HMCN1: variants seen among roughly 807,000 people sequenced by gnomAD.
The protein encoded by HMCN1 is hemicentin 1.
HMCN1 carries 321 observed loss-of-function variants against 625.9 expected under a neutral mutation model. The ratio of observed to expected loss-of-function variants is 0.51; its 90% CI spans 0.47 to 0.56. HMCN1 has a LOEUF of 0.56. Ranked by LOEUF, HMCN1 falls within the 20% of genes least tolerant of loss-of-function variation. HMCN1 has a pLI of 0.00. For synonymous variants in HMCN1, 2,425 were observed against 2,417.6 expected (o/e 1.00, Z -0.09); for missense variants, 6,588 against 6,887.3 (o/e 0.96, Z 1.54).
intron 1 of HMCN1, among the ~76,000 whole-genome samples, chr1:185,774,583 T>C (rs1349772918): frequency 1.3e-5 from 2 of 152,178 alleles, no homozygotes; most frequent in Non-Finnish European, 2.9e-5. Flanking sequence ...TGCTGAGCTG[T>C]TGGAGATGAA....
In HMCN1 at chr1:186,076,528, T is replaced by C. The variant is rs149752078; in HGVS notation, c.8391T>C (p.Leu2797=). The C allele has an allele frequency of 5.3e-5, 86 of 1,613,684 alleles. No individual in the cohort carries two copies. In the African/African-American group the frequency reaches 8.8e-4, roughly 17 times the overall value. ...KDVIINNPIS[L]YCETNAAPPP... ...TGATCATCAACAATCCCATTTCTCT[T>C]TACTGTGAGACAAATGCTGCTCCCC... is the stretch of plus-strand genomic sequence containing the variant. Residue 2797 remains leucine, a synonymous_variant, in exon 54 of 107, where the codon CTT becomes CTC. Coordinates refer to ENST00000271588, the MANE Select transcript of HMCN1 (RefSeq NM_031935.3).
chr1:186,055,700 C>G (rs753504368), intron 45 of HMCN1, 26 bp downstream of exon 45: 2 of 1,608,402 alleles, frequency 1.2e-6, no homozygotes, highest in Admixed American at 1.7e-5. Flanking sequence ...CTCAATATGT[C>G]CATTCACTGG....
At chr1:185,790,960 C>T (rs1448177843) in intron 1 of HMCN1, among the ~76,000 whole-genome samples, 11 of 152,012 alleles carry the variant, frequency 7.2e-5, no homozygotes, top group African/African-American at 2.4e-5. Context: ...ACAAAATGTG[C>T]ACCTCCTATA....
intron 36 of HMCN1, among the ~76,000 whole-genome samples, chr1:186,030,468 T>G (rs1333667078): frequency 6.6e-6 from 1 of 152,088 alleles, no homozygotes; most frequent in African/African-American, 2.4e-5. Context: ...CAGTTTTTCT[T>G]GAAGTCTATT....
intron 1 of HMCN1, among the ~76,000 whole-genome samples, chr1:185,844,936 C>T (rs1661717295): frequency 6.6e-6 from 1 of 152,180 alleles, no homozygotes; most frequent in African/African-American, 2.4e-5. Flanking sequence ...CCAAGTTAAC[C>T]CATGATATCT....
At position 186,088,763 on chromosome 1, in the gene HMCN1, T is replaced by C. The variant is rs768317246; in HGVS notation, c.9727+8T>C. 1.2e-6 allele frequency: 2 copies of C among 1,602,800 alleles called. No individual in the cohort carries two copies. The highest frequency in any genetic ancestry group is 1.7e-6 in the Non-Finnish European group (2 of 1,172,426). On this transcript the variant is annotated splice_region_variant and intron_variant, in intron 63 of 106. Transcript: ENST00000271588. ...ACTTTCTTTCAATTCAAGGTATGTA[T>C]TGTCCACTATGATCTATCTTCAATT...
At chr1:185,879,503 A>T (rs968799241) in intron 4 of HMCN1, among the ~76,000 whole-genome samples, 5 of 152,052 alleles carry the variant, frequency 3.3e-5, no homozygotes, top group Non-Finnish European at 7.4e-5. Context: ...CTTTACCATT[A>T]TCTTATTTAT....
intron 1 of HMCN1, among the ~76,000 whole-genome samples, chr1:185,785,877 C>T (rs1435696902): frequency 1.3e-5 from 2 of 152,124 alleles, no homozygotes; most frequent in Admixed American, 6.5e-5. Flanking sequence ...TCATGCTGCT[C>T]GCTTAGGGGA....
At chr1:186,177,413 A>G (rs1652667552) in intron 103 of HMCN1, 1 of 152,286 alleles carries the variant, frequency 6.6e-6, no homozygotes, top group South Asian at 2.1e-4. Context: ...TGCACTGACC[A>G]TAATCAAGGA....
chr1:185,756,006 G>A (rs1045923074), intron 1 of HMCN1, among the ~76,000 whole-genome samples: 21 of 152,078 alleles, frequency 1.4e-4, no homozygotes, highest in African/African-American at 5.1e-4. Flanking sequence ...CAGTTCTCCT[G>A]CCTCAGGAGA....
At chr1:185,806,918 T>C (rs916489777) in intron 1 of HMCN1, among the ~76,000 whole-genome samples, 2 of 152,196 alleles carry the variant, frequency 1.3e-5, no homozygotes, top group Non-Finnish European at 2.9e-5. Flanking sequence ...TCCTGTCTTA[T>C]ACATTTTTTT....
chr1:186,023,188 TTG>T (rs1400260566), intron 36 of HMCN1, 35 bp downstream of exon 36: 2 of 1,588,008 alleles, frequency 1.3e-6, no homozygotes, highest in Non-Finnish European at 1.7e-6. Flanking sequence ...AAAAGAATAT[TTG>T]TATCACTTTT....
At chr1:185,985,950 C>A (rs750179067) in intron 19 of HMCN1, among the ~76,000 whole-genome samples, 12 of 152,182 alleles carry the variant, frequency 7.9e-5, no homozygotes, top group Non-Finnish European at 1.5e-4. Context: ...CTCTTCCACA[C>A]CCAAATGTCA....
chr1:185,915,318 A>G (rs944112643), intron 6 of HMCN1, among the ~76,000 whole-genome samples: 2 of 152,084 alleles, frequency 1.3e-5, no homozygotes, highest in African/African-American at 4.8e-5. Flanking sequence ...GAGAAGCAAT[A>G]TGATTTTTCC....
chr1:186,067,693 A>G, intron 49 of HMCN1, 141 bp from the exon 50 acceptor site: 1 of 619,536 alleles, frequency 1.6e-6, no homozygotes, highest in South Asian at 2.2e-5. Flanking sequence ...TCTTTTGTGT[A>G]AAATAATAAT....
chr1:186,060,229 A>G (rs574820549), intron 46 of HMCN1, among the ~76,000 whole-genome samples: 1 of 152,114 alleles, frequency 6.6e-6, no homozygotes, highest in Non-Finnish European at 1.5e-5. Context: ...ACATAAACAG[A>G]AAACAGATAG....
chr1:185,735,668 ATTGC>A (rs1326650305), intron 1 of HMCN1, among the ~76,000 whole-genome samples: 3 of 152,234 alleles, frequency 2.0e-5, no homozygotes, highest in African/African-American at 7.2e-5. Flanking sequence ...CTGCGGTAGA[ATTGC>A]TTGTAATTCG....
chr1:185,796,418 C>G (rs370576695), intron 1 of HMCN1, among the ~76,000 whole-genome samples: 2 of 152,168 alleles, frequency 1.3e-5, no homozygotes, highest in African/African-American at 2.4e-5. Flanking sequence ...CATCCCTTAT[C>G]CCTGTTCCAC....
At chr1:186,077,831 A>C (rs1175793419) in intron 54 of HMCN1, among the ~76,000 whole-genome samples, 3 of 152,226 alleles carry the variant, frequency 2.0e-5, no homozygotes, top group Non-Finnish European at 2.9e-5. Context: ...TTCCCTAGGA[A>C]ATATGATGAA....
Sources: allele counts gnomAD v4.1 joint callset (sites outside exome capture counted in the v4.1 genomes callset), GRCh38; gene constraint gnomAD v4.1.1; transcripts MANE v1.5; gene names NCBI Gene and HGNC (gene_info 2026-07-23, HGNC 2026-07-21).